NAALADL2: variants seen among roughly 807,000 people sequenced by gnomAD.
The protein encoded by NAALADL2 is inactive N-acetylated-alpha-linked acidic dipeptidase-like protein 2.
A neutral mutation model predicts 87.2 loss-of-function variants in NAALADL2; 76 were observed. That is an observed-to-expected ratio of 0.87 (90% CI 0.72 to 1.05). The LOEUF (loss-of-function observed/expected upper bound fraction) is 1.05, where lower values mean the gene tolerates loss of function less well. NAALADL2 is among the 50% of genes least tolerant of loss of function. The pLI, the probability that NAALADL2 is intolerant of heterozygous loss-of-function variation, is 0.00. For synonymous variants in NAALADL2, 354 were observed against 331.0 expected, an observed-to-expected ratio of 1.07 and a Z score of -0.75; for missense variants, 1,089 against 945.8, an observed-to-expected ratio of 1.15 and a Z score of -1.99.
At chr3:174,505,695 ATTTTAT>A (rs1560019656) in intron 1 of NAALADL2, among the ~76,000 whole-genome samples, 1 of 152,132 alleles carries the variant, frequency 6.6e-6, no homozygotes, top group Non-Finnish European at 1.5e-5. Flanking sequence ...TTTTTCTAGT[ATTTTAT>A]TCTGACACTT....
At chr3:175,318,074 A>G (rs1264867213) in intron 4 of NAALADL2, among the ~76,000 whole-genome samples, 2 of 152,176 alleles carry the variant, frequency 1.3e-5, no homozygotes, top group Non-Finnish European at 2.9e-5. Flanking sequence ...AACAACTGTT[A>G]TATGACTAAC....
intron 2 of NAALADL2, among the ~76,000 whole-genome samples, chr3:175,161,850 C>G (rs915027989): frequency 6.6e-6 from 1 of 152,108 alleles, no homozygotes; most frequent in Non-Finnish European, 1.5e-5. Flanking sequence ...TGCAGTCATT[C>G]TGATGGTGTC....
intron 2 of NAALADL2, among the ~76,000 whole-genome samples, chr3:175,229,961 C>T (rs943121644): frequency 3.3e-5 from 5 of 151,936 alleles, no homozygotes; most frequent in Admixed American, 1.3e-4. Context: ...ATAATGAAAA[C>T]GGCACATTAT....
chr3:175,116,879 A>AACTAAAACAGCATGGTCCTGGT (rs1725297874), intron 2 of NAALADL2, among the ~76,000 whole-genome samples: 1 of 152,156 alleles, frequency 6.6e-6, no homozygotes, highest in African/African-American at 2.4e-5. Flanking sequence ...AGGCCACAAT[A>AACTAAAACAGCATGGTCCTGGT]ACTAAAACAG....
intron 3 of NAALADL2, among the ~76,000 whole-genome samples, chr3:174,846,586 G>T (rs112249851): frequency 6.6e-6 from 1 of 152,040 alleles, no homozygotes; most frequent in African/African-American, 2.4e-5. Flanking sequence ...TTCTGAGTAG[G>T]CCTCAATGTT....
At position 175,699,345 on chromosome 3, in the gene NAALADL2, C is replaced by T. The variant is rs114967137; in HGVS notation, c.1897-37961C>T. On this transcript the variant is annotated intron_variant, in intron 11 of 13. Coordinates refer to ENST00000454872, the MANE Select transcript of NAALADL2 (RefSeq NM_207015.3). ...TCCTATTATCCATATAGATGACAGG[C>T]AACAAGAGATTAAGAATAAAGAACT... Among the ~76,000 whole-genome samples the T allele has an allele frequency of 2.4e-3, 370 of 152,042 alleles. 1 individual carries two copies. The highest frequency in any genetic ancestry group is 8.6e-3 in the African/African-American group (357 of 41,506).
chr3:174,947,335 G>A (rs757706294), intron 1 of NAALADL2, among the ~76,000 whole-genome samples: 56 of 151,946 alleles, frequency 3.7e-4, no homozygotes, highest in Non-Finnish European at 6.6e-4. Flanking sequence ...CCCTTGCAAA[G>A]GAAAATTTAT....
In NAALADL2 at chr3:175,806,154, A is replaced by C. The variant is rs1260162552; in HGVS notation, c.*2951A>C. 6.6e-6 allele frequency: 1 copy of C among 151,922 alleles called. No homozygotes were observed. Among genetic ancestry groups the C allele is most frequent in the Non-Finnish European group, 1.5e-5 (1 of 67,890 alleles). 9.4% of individuals were successfully genotyped at this position (151,922 alleles called of 1,614,324 possible). ...GTCAGATGTTGCATGGGCTGGAAACACTGCTTTTAATTCAAGGCTAGTTCA... is the reference window on the plus strand; with the variant it reads ...GTCAGATGTTGCATGGGCTGGAAACCCTGCTTTTAATTCAAGGCTAGTTCA... On this transcript the variant is annotated 3_prime_UTR_variant, in exon 14 of 14. Coordinates refer to ENST00000454872, the MANE Select transcript of NAALADL2 (RefSeq NM_207015.3).
chr3:174,567,110 G>C (rs1322970619), intron 2 of NAALADL2, among the ~76,000 whole-genome samples: 1 of 151,502 alleles, frequency 6.6e-6, no homozygotes. Context: ...CCATATCAGG[G>C]AGAGGTTATG....
intron 4 of NAALADL2, among the ~76,000 whole-genome samples, chr3:175,312,445 CTT>C (rs796129119): frequency 4.9e-5 from 7 of 142,600 alleles, no homozygotes; most frequent in African/African-American, 1.3e-4. Flanking sequence ...AAATCCAGTT[CTT>C]TTTTTTTTTT....
chr3:175,772,520 A>G (rs937707319), intron 13 of NAALADL2, among the ~76,000 whole-genome samples: 2 of 152,156 alleles, frequency 1.3e-5, no homozygotes, highest in Non-Finnish European at 2.9e-5. Flanking sequence ...AGTTCATTCT[A>G]GTAGTAGAAG....
rs560178083 is a variant in NAALADL2, at chr3:174,883,990, C to G, written c.43+24540C>G. Among the ~76,000 whole-genome samples, 3 of 152,234 alleles carry G rather than the reference C, an allele frequency of 2.0e-5. No homozygotes were observed. The East Asian group carries it at 5.8e-4, about 29-fold the overall frequency. On this transcript the variant is annotated intron_variant, in intron 1 of 13. Transcript: ENST00000454872. ...TGAGAGTCTGGGCCAATCACCCCAG[C>G]CAATACTGTAACTCCCTTCTTAGCC...
chr3:175,137,469 G>A (rs566300478), intron 2 of NAALADL2, among the ~76,000 whole-genome samples: 5 of 151,824 alleles, frequency 3.3e-5, no homozygotes, highest in African/African-American at 9.7e-5. Flanking sequence ...TTATTTTTGT[G>A]CATGCAAATT....
At chr3:175,097,605 G>A (rs1295803521) in intron 2 of NAALADL2, among the ~76,000 whole-genome samples, 1 of 152,028 alleles carries the variant, frequency 6.6e-6, no homozygotes, top group Non-Finnish European at 1.5e-5. Flanking sequence ...TGCAAAGATT[G>A]CCAGATATAC....
intron 2 of NAALADL2, among the ~76,000 whole-genome samples, chr3:174,730,309 A>T (rs1336273655): frequency 1.3e-5 from 2 of 152,032 alleles, no homozygotes; most frequent in African/African-American, 2.4e-5. Context: ...TATATTCATT[A>T]ATTTGTGGTT....
intron 1 of NAALADL2, among the ~76,000 whole-genome samples, chr3:174,917,663 T>G (rs1221542944): frequency 2.0e-5 from 3 of 152,124 alleles, no homozygotes; most frequent in Non-Finnish European, 4.4e-5. Flanking sequence ...AGATGAATTA[T>G]TTGAAACCTT....
chr3:175,047,959 T>G (rs1024145451), intron 1 of NAALADL2, among the ~76,000 whole-genome samples: 1 of 152,190 alleles, frequency 6.6e-6, no homozygotes, highest in Non-Finnish European at 1.5e-5. Flanking sequence ...TCCCACTAAA[T>G]GGAGTATATG....
intron 1 of NAALADL2, among the ~76,000 whole-genome samples, chr3:174,973,601 C>T (rs189854159): frequency 2.8e-4 from 43 of 152,090 alleles, no homozygotes; most frequent in African/African-American, 2.4e-4. Context: ...AGATATTTTC[C>T]GAGAAATGCA....
At chr3:174,532,098 G>C (rs1721294253) in intron 1 of NAALADL2, among the ~76,000 whole-genome samples, 1 of 152,070 alleles carries the variant, frequency 6.6e-6, no homozygotes, top group Non-Finnish European at 1.5e-5. Context: ...CAAAAAATAG[G>C]TACTTCATTT....
Sources: gnomAD v4.1 joint callset for allele counts (sites outside exome capture counted in the v4.1 genomes callset) on GRCh38, gnomAD v4.1.1 for gene constraint, MANE v1.5 for transcripts, NCBI Gene and HGNC (gene_info 2026-07-23, HGNC 2026-07-21) for gene names.